SIN3B: variants seen among roughly 807,000 people sequenced by gnomAD.
The protein encoded by SIN3B is paired amphipathic helix protein Sin3b.
In SIN3B, 19 loss-of-function variants were observed where a neutral mutation model predicts 120.2. The observed-to-expected ratio is 0.16, with a 90% CI of 0.11 to 0.23. SIN3B has a LOEUF of 0.23. Among genes scored for constraint, SIN3B ranks in the 10% least tolerant of loss-of-function variants. The pLI is 1.00. For synonymous variants in SIN3B, 654 were observed against 653.2 expected, an observed-to-expected ratio of 1.00 and a Z score of -0.02; for missense variants, 1,073 against 1,573.0, an observed-to-expected ratio of 0.68 and a Z score of 5.38.
intron 8 of SIN3B, 61 bp downstream of exon 8, chr19:16,854,322 T>C: frequency 9.3e-7 from 1 of 1,078,918 alleles, no homozygotes; most frequent in Non-Finnish European, 1.4e-6. Flanking sequence ...CTCCATCTAC[T>C]TGGTTTTTAG....
At chr19:16,866,603 C>T (rs553368124) in intron 12 of SIN3B, 47 bp downstream of exon 12, 1 of 1,576,402 alleles carries the variant, frequency 6.3e-7, no homozygotes, top group African/African-American at 1.4e-5. Context: ...GGGGTCCTGG[C>T]TCTCCCGACC....
chr19:16,829,828 T>G lies in SIN3B; in HGVS notation c.158T>G (p.Ile53Ser). ...CTCACCTATCTGGACCAGGTGAAGA[T>G]CCGCTTTGGCAGCGACCCTGCCACC... ...DALTYLDQVK[I>S]RFGSDPATYN... The change falls in exon 2 of 19, where the codon ATC (isoleucine) becomes AGC (serine). Residue 53 changes from isoleucine to serine, a missense_variant. Physicochemically the swap from Ile to Ser is moderately radical, Grantham distance 142. Transcript: ENST00000248054. The G allele has an allele frequency of 6.2e-7, 1 of 1,613,410 alleles. No homozygotes were observed. The highest frequency in any genetic ancestry group is 8.5e-7 in the Non-Finnish European group (1 of 1,179,704).
intron 14 of SIN3B, among the ~76,000 whole-genome samples, chr19:16,875,683 C>T (rs1177156890): frequency 2.1e-5 from 3 of 141,928 alleles, no homozygotes; most frequent in Non-Finnish European, 4.5e-5. Flanking sequence ...CTGGTCTGGT[C>T]TGGTCTGGTC....
intron 12 of SIN3B, among the ~76,000 whole-genome samples, chr19:16,866,758 A>G (rs930530214): frequency 5.3e-5 from 8 of 151,998 alleles, no homozygotes; most frequent in African/African-American, 1.7e-4. Context: ...GCCATTGTCT[A>G]TCTGTTTGTT....
intron 3 of SIN3B, among the ~76,000 whole-genome samples, chr19:16,840,814 C>T (rs1381112251): frequency 3.3e-5 from 5 of 152,192 alleles, no homozygotes; most frequent in East Asian, 1.9e-4. Context: ...TCGTGGAGTT[C>T]GCCATCTAGT....
At chr19:16,865,694 T>TCCTTC (rs1971761742) in intron 11 of SIN3B, 46 bp downstream of exon 11, 2 of 1,145,926 alleles carry the variant, frequency 1.7e-6, no homozygotes, top group African/African-American at 3.5e-5. Flanking sequence ...CCTTCCCCCT[T>TCCTTC]CCCTCCCCTC....
At chr19:16,869,403 G>A (rs2051474374) in intron 12 of SIN3B, 57 bp from the exon 13 acceptor site, 2 of 1,519,758 alleles carry the variant, frequency 1.3e-6, no homozygotes, top group East Asian at 2.4e-5. Flanking sequence ...AATGGGCACT[G>A]GGGGTCCTCT....
At chr19:16,840,868 A>G (rs938290933) in intron 3 of SIN3B, among the ~76,000 whole-genome samples, 1 of 152,156 alleles carries the variant, frequency 6.6e-6, no homozygotes, top group Non-Finnish European at 1.5e-5. Context: ...CATGATCCAT[A>G]AGGTGGTGAC....
intron 8 of SIN3B, among the ~76,000 whole-genome samples, chr19:16,858,238 C>G (rs1819342984): frequency 1.3e-5 from 2 of 152,152 alleles, no homozygotes; most frequent in Non-Finnish European, 2.9e-5. Flanking sequence ...CCCTCCGATT[C>G]TAGTCCTTAC....
intron 10 of SIN3B, among the ~76,000 whole-genome samples, chr19:16,864,778 G>C (rs933426315): frequency 1.3e-5 from 2 of 150,148 alleles, no homozygotes; most frequent in Non-Finnish European, 3.0e-5. Flanking sequence ...ACTGCTTGAG[G>C]CCAGGAGTTC....
Position 16,847,160 on chromosome 19 carries a change from C to T in SIN3B, c.726+47C>T, listed in dbSNP as rs146827971. ...CCAGCCTCGGGGGCCTCAGCGAGGA[C>T]GGAGGGCCCCAGCCAGCTTGACCCA... On this transcript the variant is annotated intron_variant, in intron 5 of 18. Transcript: ENST00000248054. The T allele has an allele frequency of 2.7e-4, 421 of 1,579,828 alleles. 1 individual carries two copies. In the African/African-American group the frequency reaches 4.8e-3, roughly 18 times the overall value.
In SIN3B at chr19:16,880,347, T is replaced by G. The variant is rs183041481; in HGVS notation, c.*1620T>G. ...CACATTAAAGTTAATAATTGAATAT[T>G]GACATCAAGCCGTGAGGGTGTGTTG... On this transcript the variant is annotated 3_prime_UTR_variant, in exon 19 of 19. Transcript: ENST00000248054. 7 of 152,358 alleles carry G rather than the reference T, an allele frequency of 4.6e-5. No homozygotes were observed. Among genetic ancestry groups the G allele is most frequent in the Admixed American group, 3.9e-4 (6 of 15,302 alleles). 9.4% of individuals were successfully genotyped at this position (152,358 alleles called of 1,614,324 possible).
chr19:16,832,708 G>T (rs963682329), intron 3 of SIN3B, among the ~76,000 whole-genome samples: 9 of 151,520 alleles, frequency 5.9e-5, no homozygotes, highest in Admixed American at 3.3e-4. Context: ...TCACTATGTT[G>T]CCCAGGGTTG....
intron 3 of SIN3B, among the ~76,000 whole-genome samples, chr19:16,834,507 G>C (rs1360723320): frequency 6.6e-6 from 1 of 152,154 alleles, no homozygotes; most frequent in Non-Finnish European, 1.5e-5. Context: ...AGGTGACAAT[G>C]ATGACGGTGC....
At chr19:16,874,604 T>TTGGTC (rs1599616518) in intron 14 of SIN3B, among the ~76,000 whole-genome samples, 2 of 150,666 alleles carry the variant, frequency 1.3e-5, no homozygotes, top group South Asian at 2.1e-4. Context: ...TGGTTTTGGT[T>TTGGTC]TGGTCTGGTC....
At position 16,854,071 on chromosome 19, in the gene SIN3B, A is replaced by G. The variant is rs1037641256; in HGVS notation, c.940-72A>G. On this transcript the variant is annotated intron_variant, in intron 7 of 18. Transcript: ENST00000248054. ...CCCATATCGCACACCCATGTGGCTGACCTACAAGTGAGCCAGGCCCAGAGG... is the reference window on the plus strand; with the variant it reads ...CCCATATCGCACACCCATGTGGCTGGCCTACAAGTGAGCCAGGCCCAGAGG... 10 of 1,119,796 alleles carry G rather than the reference A, an allele frequency of 8.9e-6. No homozygotes were observed. The East Asian group carries it at 2.4e-4, about 27-fold the overall frequency. 69.4% of individuals were successfully genotyped at this position (1,119,796 alleles called of 1,614,324 possible). A position where few individuals can be genotyped will look rare whatever the true frequency, so the allele number is the denominator to read the frequency against.
chr19:16,872,730 C>T (rs1201761752), intron 14 of SIN3B: 1 of 152,234 alleles, frequency 6.6e-6, no homozygotes, highest in Non-Finnish European at 1.5e-5. Flanking sequence ...AGGCGTGAGC[C>T]ACCGCACCGG....
rs763596360 is a variant in SIN3B, at chr19:16,862,605, C to T, written c.1266+46C>T. On this transcript the variant is annotated intron_variant, in intron 9 of 18. Transcript: ENST00000248054. The surrounding 1 kb of genome is among the most constrained non-coding windows in gnomAD (Gnocchi z 4.7). ...AATGTTCGTTGACATGGTGCATCCC[C>T]CACCCCTCCCCAGCAAACACCCGAT... 2.0e-6 allele frequency: 3 copies of T among 1,507,814 alleles called. No individual in the cohort carries two copies. Among genetic ancestry groups the T allele is most frequent in the Middle Eastern group, 2.3e-4 (1 of 4,404 alleles). 93.4% of individuals were successfully genotyped at this position (1,507,814 alleles called of 1,614,324 possible).
rs34648986 is a variant in SIN3B at position 16,838,970 on chromosome 19, CTT to C, written c.382-2779_382-2778del. 4.3e-3 allele frequency among the ~76,000 whole-genome samples: 370 copies of C among 86,566 alleles called. 2 individuals carry two copies. Among genetic ancestry groups the C allele is most frequent in the African/African-American group, 0.017 (343 of 20,382 alleles). 56.8% of individuals were successfully genotyped at this position (86,566 alleles called of 152,430 possible). ...TACAGGTTCCAGCCACCGCGCCTGGCTTTTTTTTTTTTTTTTTTTTGAGATGG... is the reference window on the plus strand; with the variant it reads ...TACAGGTTCCAGCCACCGCGCCTGGCTTTTTTTTTTTTTTTTTTGAGATGG... On this transcript the variant is annotated intron_variant, in intron 3 of 18. Coordinates refer to ENST00000248054, the MANE Select transcript of SIN3B (RefSeq NM_001297595.2).
Sources: gnomAD v4.1 joint callset for allele counts (sites outside exome capture counted in the v4.1 genomes callset) on GRCh38, gnomAD v4.1.1 for gene constraint, Gnocchi (gnomAD v3.1) non-coding constraint, MANE v1.5 for transcripts, NCBI Gene and HGNC (gene_info 2026-07-23, HGNC 2026-07-21) for gene names.